SLAMF1: variants seen among roughly 807,000 people sequenced by gnomAD.
The protein encoded by SLAMF1 is signaling lymphocytic activation molecule family member 1.
Under a neutral mutation model 35.1 loss-of-function variants are expected in SLAMF1, and 18 were observed. The observed-to-expected ratio is 0.51, with a 90% CI of 0.35 to 0.76. SLAMF1 has a LOEUF of 0.76. SLAMF1 is among the 30% of genes least tolerant of loss of function. The pLI is 0.01. For synonymous variants in SLAMF1, 168 were observed against 157.2 expected, an observed-to-expected ratio of 1.07 and a Z score of -0.51; for missense variants, 392 against 413.0, an observed-to-expected ratio of 0.95 and a Z score of 0.44.
intron 3 of SLAMF1, among the ~76,000 whole-genome samples, chr1:160,625,029 G>T (rs555951777): frequency 6.6e-6 from 1 of 152,258 alleles, no homozygotes; most frequent in East Asian, 1.9e-4. Flanking sequence ...TTACAAGGTA[G>T]GTACACTCAT....
rs149401887 is a variant in SLAMF1 at position 160,619,245 on chromosome 1, T to C, written c.864+531A>G. On this transcript the variant is annotated intron_variant, in intron 5 of 6. Transcript: ENST00000302035. ...TCAACTTCACCATGCATCCAGTTTTTCCATCCTTCACTTCTTAGTCCAGTG... is the reference window on the plus strand; with the variant it reads ...TCAACTTCACCATGCATCCAGTTTTCCCATCCTTCACTTCTTAGTCCAGTG... Among the ~76,000 whole-genome samples, 40 of 152,292 alleles carry C rather than the reference T, an allele frequency of 2.6e-4. No homozygotes were observed. In the East Asian group the frequency reaches 6.9e-3, roughly 26 times the overall value.
Position 160,634,892 on chromosome 1 carries a change from C to A in SLAMF1, c.421G>T (p.Val141Phe). The change falls in exon 3 of 7, where the codon GTC becomes TTC. Residue 141 changes from valine to phenylalanine, a missense_variant. Coordinates refer to ENST00000302035, the MANE Select transcript of SLAMF1 (RefSeq NM_003037.5). ...AAAACTTTAATTTCTGGAGTGGAGA[C>A]CTGCTCTGTCAGGAGTGGGAGGAAG... Reference protein sequence around the residue: ...FCLQLRLYEQVSTPEIKVLNK... With the variant: ...FCLQLRLYEQFSTPEIKVLNK... The A allele has an allele frequency of 6.2e-7, 1 of 1,609,294 alleles. No individual in the cohort carries two copies. Among genetic ancestry groups the A allele is most frequent in the Non-Finnish European group, 8.5e-7 (1 of 1,176,472 alleles).
intron 1 of SLAMF1, among the ~76,000 whole-genome samples, chr1:160,640,414 A>T (rs1016453301): frequency 6.7e-6 from 1 of 149,190 alleles, no homozygotes; most frequent in African/African-American, 2.5e-5. Flanking sequence ...ATATATATAC[A>T]TACACATATA....
rs1163506902 is a variant in SLAMF1, at chr1:160,634,910, G to C, written c.416-13C>G. The stretch of plus-strand genomic sequence containing the variant: ...GTGGAGACCTGCTCTGTCAGGAGTG[G>C]GAGGAAGGGAGCCATCACTGAAGTG... On this transcript the variant is annotated splice_polypyrimidine_tract_variant and intron_variant, in intron 2 of 6. Transcript: ENST00000302035. The C allele has an allele frequency of 1.3e-6, 2 of 1,595,332 alleles. No individual in the cohort carries two copies. Among genetic ancestry groups the C allele is most frequent in the Non-Finnish European group, 1.7e-6 (2 of 1,167,620 alleles).
chr1:160,612,783 T>G (rs1181670520), intron 5 of SLAMF1, among the ~76,000 whole-genome samples: 1 of 152,162 alleles, frequency 6.6e-6, no homozygotes, highest in Non-Finnish European at 1.5e-5. Context: ...ACTCCCCAAG[T>G]GGCGTCTTGG....
At chr1:160,628,872 A>C (rs543461311) in intron 3 of SLAMF1, among the ~76,000 whole-genome samples, 31 of 152,240 alleles carry the variant, frequency 2.0e-4, no homozygotes, top group Non-Finnish European at 4.3e-4. Flanking sequence ...TGTCTGTGCC[A>C]TCGGCGCTTC....
intron 2 of SLAMF1, among the ~76,000 whole-genome samples, chr1:160,635,801 G>A (rs955574558): frequency 1.3e-5 from 2 of 150,938 alleles, no homozygotes; most frequent in Admixed American, 6.6e-5. Context: ...GGATGGTCTC[G>A]ATCTCCTGAC....
At chr1:160,629,757 A>G (rs907603094) in intron 3 of SLAMF1, among the ~76,000 whole-genome samples, 2 of 152,174 alleles carry the variant, frequency 1.3e-5, no homozygotes, top group Non-Finnish European at 2.9e-5. Context: ...CTGCTCAGCT[A>G]GGAGCTATGT....
chr1:160,634,932 A>G, intron 2 of SLAMF1, 35 bp from the exon 3 acceptor site: 2 of 1,567,798 alleles, frequency 1.3e-6, no homozygotes. Context: ...CCATCACTGA[A>G]GTGAACCCCT....
chr1:160,628,254 T>C lies in SLAMF1; in HGVS notation c.701-4069A>G, dbSNP rs373642427. ...GTGGGTTTAAGTTCTCTGCTGAAGA[T>C]TGAAGGGTCCCAGGGAGCAAATTCC... On this transcript the variant is annotated intron_variant, in intron 3 of 6. Coordinates refer to ENST00000302035, the MANE Select transcript of SLAMF1 (RefSeq NM_003037.5). 8.8e-4 allele frequency among the ~76,000 whole-genome samples: 134 copies of C among 152,324 alleles called. 4 individuals carry two copies. The South Asian group carries it at 0.025, about 29-fold the overall frequency.
intron 4 of SLAMF1, among the ~76,000 whole-genome samples, chr1:160,621,785 G>A (rs146451675): frequency 1.3e-5 from 2 of 151,870 alleles, no homozygotes; most frequent in Non-Finnish European, 2.9e-5. Context: ...GTATGAGCAC[G>A]GTGTGCCTAG....
chr1:160,627,601 T>G (rs536865103), intron 3 of SLAMF1, among the ~76,000 whole-genome samples: 1 of 152,294 alleles, frequency 6.6e-6, no homozygotes, highest in African/African-American at 2.4e-5. Context: ...TTAATTATAT[T>G]TACATGGAAA....
At position 160,619,000 on chromosome 1, in the gene SLAMF1, G is replaced by A. The variant is rs537380118; in HGVS notation, c.864+776C>T. ...AGTCCATCTCCTGGTTCTCAGAAGT[G>A]CATTTGCTGTCTTTTCATGCAATTT... On this transcript the variant is annotated intron_variant, in intron 5 of 6. Transcript: ENST00000302035. 2.0e-5 allele frequency among the ~76,000 whole-genome samples: 3 copies of A among 152,250 alleles called. No homozygotes were observed. The East Asian group carries it at 5.8e-4, about 29-fold the overall frequency.
chr1:160,611,487 C>A (rs911887080), intron 6 of SLAMF1, among the ~76,000 whole-genome samples: 1 of 152,172 alleles, frequency 6.6e-6, no homozygotes, highest in Admixed American at 6.5e-5. Flanking sequence ...GGCACCTGCC[C>A]AGGCATTTCT....
At chr1:160,646,023 A>C (rs993643064) in intron 1 of SLAMF1, among the ~76,000 whole-genome samples, 2 of 152,084 alleles carry the variant, frequency 1.3e-5, no homozygotes, top group Admixed American at 6.5e-5. Flanking sequence ...CCCCACTCAC[A>C]CAGGCAGTCC....
intron 2 of SLAMF1, 40 bp from the exon 3 acceptor site, chr1:160,634,937 A>G (rs1660357800): frequency 4.5e-6 from 7 of 1,549,484 alleles, no homozygotes; most frequent in Non-Finnish European, 6.1e-6. Flanking sequence ...ACTGAAGTGA[A>G]CCCCTGGGAA....
intron 3 of SLAMF1, among the ~76,000 whole-genome samples, chr1:160,630,689 T>A (rs899026709): frequency 6.6e-6 from 1 of 152,066 alleles, no homozygotes; most frequent in Non-Finnish European, 1.5e-5. Context: ...CAGGAACTGG[T>A]TTCTCTTTCT....
At position 160,619,838 on chromosome 1, in the gene SLAMF1, G is replaced by A. The variant is rs761752439; in HGVS notation, c.802C>T (p.His268Tyr). 1 of 1,610,274 alleles carries A rather than the reference G, an allele frequency of 6.2e-7. No individual in the cohort carries two copies. The highest frequency in any genetic ancestry group is 1.1e-5 in the South Asian group (1 of 90,994). ...LQLRRRGKTNHYQTTVEKKSL... is the reference protein window; with the variant it reads ...LQLRRRGKTNYYQTTVEKKSL... ...TTTTTTTCCACTGTTGTCTGGTAAT[G>A]GTTCGTTTTACCTGGTGAAAAGAAA... Residue 268 changes from histidine (H) to tyrosine (Y), a missense_variant, in exon 5 of 7, where the codon CAT (histidine) becomes TAT (tyrosine). His to Tyr is a moderately conservative substitution (Grantham distance 83). Coordinates refer to ENST00000302035, the MANE Select transcript of SLAMF1 (RefSeq NM_003037.5).
chr1:160,636,951 T>G, intron 2 of SLAMF1: 1 of 510,642 alleles, frequency 2.0e-6, no homozygotes, highest in South Asian at 2.7e-5. Context: ...CCCCTTTCCT[T>G]TGGGAAATGG....
Sources: gnomAD v4.1 joint callset for allele counts (sites outside exome capture counted in the v4.1 genomes callset) on GRCh38, gnomAD v4.1.1 for gene constraint, MANE v1.5 for transcripts, NCBI Gene and HGNC (gene_info 2026-07-23, HGNC 2026-07-21) for gene names.